Variants in RGS6 observed in about 807,000 individuals in gnomAD.
The protein encoded by RGS6 is regulator of G-protein signaling 6.
Under a neutral mutation model 78.5 loss-of-function variants are expected in RGS6, and 30 were observed. The ratio of observed to expected loss-of-function variants is 0.38; its 90% CI spans 0.29 to 0.52. The LOEUF is 0.52. Ranked by LOEUF, RGS6 falls within the 20% of genes least tolerant of loss-of-function variation. RGS6 has a pLI of 0.85. For missense variants in RGS6, 495 were observed against 609.7 expected (o/e 0.81, Z 1.98); for synonymous variants, 206 against 206.0 (o/e 1.00, Z 0.00).
chr14:72,146,991 T>C (rs1393010469), intron 2 of RGS6, among the ~76,000 whole-genome samples: 3 of 152,196 alleles, frequency 2.0e-5, no homozygotes, highest in Admixed American at 6.5e-5. Context: ...AAGGATGGCC[T>C]TTACTCCAGT....
chr14:72,521,665 A>C (rs80021745), intron 15 of RGS6, among the ~76,000 whole-genome samples: 2,724 of 152,318 alleles, frequency 0.018, 86 homozygotes, highest in African/African-American at 0.062. Flanking sequence ...CTATTTTCAG[A>C]CCAATTTCCT....
At chr14:72,507,176 A>G (rs1199452684) in intron 13 of RGS6, among the ~76,000 whole-genome samples, 1 of 152,098 alleles carries the variant, frequency 6.6e-6, no homozygotes, top group Non-Finnish European at 1.5e-5. Flanking sequence ...CTCAAACAAA[A>G]AGAGAAGAGA....
chr14:72,098,616 T>C (rs2095461960), intron 2 of RGS6, among the ~76,000 whole-genome samples: 1 of 152,240 alleles, frequency 6.6e-6, no homozygotes, highest in African/African-American at 2.4e-5. Context: ...TGCCAACATT[T>C]ATCAGGAGAC....
chr14:72,416,544 A>C (rs2093823437), intron 3 of RGS6, among the ~76,000 whole-genome samples: 1 of 149,200 alleles, frequency 6.7e-6, no homozygotes, highest in Non-Finnish European at 1.5e-5. Flanking sequence ...CCCTACCAAG[A>C]AAAAAAAAAT....
intron 1 of RGS6, among the ~76,000 whole-genome samples, chr14:71,955,507 C>T (rs575821694): frequency 6.6e-6 from 1 of 152,286 alleles, no homozygotes; most frequent in Non-Finnish European, 1.5e-5. Context: ...CTTCTGGTTG[C>T]CCATTTTTAT....
intron 2 of RGS6, among the ~76,000 whole-genome samples, chr14:72,341,849 A>G (rs954469000): frequency 3.9e-5 from 6 of 152,186 alleles, no homozygotes; most frequent in African/African-American, 1.4e-4. Context: ...TGAACCAGAA[A>G]GGATGAGTGA....
At chr14:72,501,608 A>G (rs1228960017) in intron 13 of RGS6, among the ~76,000 whole-genome samples, 1 of 152,222 alleles carries the variant, frequency 6.6e-6, no homozygotes, top group African/African-American at 2.4e-5. Context: ...AAGTTGCCAG[A>G]TGACGTAATT....
At chr14:72,321,304 T>A (rs1039423958) in intron 2 of RGS6, among the ~76,000 whole-genome samples, 9 of 151,716 alleles carry the variant, frequency 5.9e-5, no homozygotes, top group East Asian at 1.9e-4. Context: ...AAGATTTTTT[T>A]AAAAAAGCAA....
At chr14:72,078,384 C>T (rs1405898069) in intron 2 of RGS6, among the ~76,000 whole-genome samples, 2 of 151,936 alleles carry the variant, frequency 1.3e-5, no homozygotes, top group Non-Finnish European at 2.9e-5. Flanking sequence ...TACCCAGTCT[C>T]AGGTATTTCT....
At chr14:72,051,253 T>C (rs1251096028) in intron 2 of RGS6, among the ~76,000 whole-genome samples, 1 of 152,026 alleles carries the variant, frequency 6.6e-6, no homozygotes, top group Non-Finnish European at 1.5e-5. Flanking sequence ...GGGTACCAAT[T>C]CTAGACAAGC....
intron 2 of RGS6, among the ~76,000 whole-genome samples, chr14:72,289,756 CCACAGTTCT>C (rs2063245207): frequency 6.6e-6 from 1 of 152,154 alleles, no homozygotes; most frequent in African/African-American, 2.4e-5. Flanking sequence ...AGATAGAAGC[CCACAGTTCT>C]CACATACTTA....
At chr14:71,962,595 G>T (rs977532254) in intron 1 of RGS6, among the ~76,000 whole-genome samples, 2 of 152,204 alleles carry the variant, frequency 1.3e-5, no homozygotes, top group African/African-American at 4.8e-5. Context: ...CCATTGGTTA[G>T]AATGGTAATC....
intron 2 of RGS6, among the ~76,000 whole-genome samples, chr14:72,040,197 G>A (rs2092263669): frequency 6.6e-6 from 1 of 151,850 alleles, no homozygotes; most frequent in African/African-American, 2.4e-5. Context: ...ACAGAATTCT[G>A]TATTTGTCTA....
chr14:71,912,829 T>A, the RGS6 span, among the ~76,000 whole-genome samples: 3 of 151,888 alleles, frequency 2.0e-5, no homozygotes, highest in Admixed American at 6.5e-5. Flanking sequence ...TTTTTTATTT[T>A]TTTTTTATTT....
chr14:72,352,021 G>A, intron 2 of RGS6, 74 bp from the exon 3 acceptor site: 2 of 1,054,122 alleles, frequency 1.9e-6, no homozygotes. Flanking sequence ...TATACATTTG[G>A]GCTGTTTAAA....
chr14:72,056,377 C>T (rs2093621892), intron 2 of RGS6, among the ~76,000 whole-genome samples: 1 of 152,156 alleles, frequency 6.6e-6, no homozygotes. Context: ...TCTTAATCTG[C>T]CATGACTTTC....
At chr14:72,591,942 C>A in the RGS6 span, among the ~76,000 whole-genome samples, 3 of 152,148 alleles carry the variant, frequency 2.0e-5, no homozygotes, top group Non-Finnish European at 4.4e-5. Context: ...CTACCCCTTC[C>A]GTCATGCTAA....
chr14:71,936,032 A>ATATATATACATATATATATATATATATG (rs2089221394), intron 1 of RGS6, among the ~76,000 whole-genome samples: 10 of 142,012 alleles, frequency 7.0e-5, no homozygotes, highest in Admixed American at 6.3e-4. Context: ...ATATATATAT[A>ATATATATACATATATATATATATATATG]TATATATATG....
At chr14:72,198,264 G>A (rs2040664354) in intron 2 of RGS6, among the ~76,000 whole-genome samples, 1 of 152,232 alleles carries the variant, frequency 6.6e-6, no homozygotes, top group Non-Finnish European at 1.5e-5. Flanking sequence ...GAAGTGGGAG[G>A]CTCACTTGAG....
Sources: gnomAD v4.1 joint callset for allele counts (sites outside exome capture counted in the v4.1 genomes callset) on GRCh38, gnomAD v4.1.1 for gene constraint, MANE v1.5 for transcripts, NCBI Gene and HGNC (gene_info 2026-07-23, HGNC 2026-07-21) for gene names.